The following EYS variants were observed in gnomAD, a reference collection of about 807,000 sequenced individuals.
The protein encoded by EYS is EGF-like photoreceptor maintenance factor.
In EYS, 250 loss-of-function variants were observed where a neutral mutation model predicts 282.1. The observed-to-expected ratio is 0.89, with a 90% CI of 0.80 to 0.98. The LOEUF is 0.98. Among genes scored for constraint, EYS ranks in the 50% least tolerant of loss-of-function variants. EYS has a pLI of 0.00. For synonymous variants in EYS, 1,355 were observed against 1,282.9 expected (o/e 1.06, Z -1.20); for missense variants, 4,016 against 3,709.0 (o/e 1.08, Z -2.15).
At chr6:64,049,043 C>A (rs1396645448) in intron 33 of EYS, among the ~76,000 whole-genome samples, 2 of 152,168 alleles carry the variant, frequency 1.3e-5, no homozygotes, top group Non-Finnish European at 2.9e-5. Context: ...ATGTTGATTT[C>A]TCTCTGAATT....
At chr6:65,217,042 G>A (rs1445440815) in intron 12 of EYS, among the ~76,000 whole-genome samples, 1 of 151,960 alleles carries the variant, frequency 6.6e-6, no homozygotes, top group Non-Finnish European at 1.5e-5. Context: ...CAGCAATACT[G>A]CTTAATACTT....
At chr6:64,111,862 G>A (rs892507591) in intron 31 of EYS, among the ~76,000 whole-genome samples, 2 of 151,958 alleles carry the variant, frequency 1.3e-5, no homozygotes, top group Non-Finnish European at 2.9e-5. Flanking sequence ...AATATATTAT[G>A]GAAGCATAAA....
At chr6:64,328,313 G>A (rs1770505748) in intron 29 of EYS, among the ~76,000 whole-genome samples, 1 of 152,174 alleles carries the variant, frequency 6.6e-6, no homozygotes, top group South Asian at 2.1e-4. Context: ...ATATCAGGCA[G>A]TATGCACAAC....
chr6:64,247,961 A>C (rs1305562305), intron 30 of EYS, among the ~76,000 whole-genome samples: 3 of 152,144 alleles, frequency 2.0e-5, no homozygotes, highest in East Asian at 1.9e-4. Context: ...GGTTAAGAAG[A>C]TATTTGACAT....
At chr6:64,543,772 C>T (rs1764760553) in intron 26 of EYS, among the ~76,000 whole-genome samples, 1 of 152,048 alleles carries the variant, frequency 6.6e-6, no homozygotes, top group Non-Finnish European at 1.5e-5. Flanking sequence ...AGTTTCCTAT[C>T]CTGTGATGTG....
intron 19 of EYS, among the ~76,000 whole-genome samples, chr6:64,823,076 T>C (rs1243245040): frequency 6.6e-6 from 1 of 151,976 alleles, no homozygotes; most frequent in African/African-American, 2.4e-5. Context: ...TTTAGTGTGA[T>C]GTTTGTTGAG....
intron 13 of EYS, 106 bp from the exon 14 acceptor site, chr6:64,997,809 C>T (rs987428183): frequency 3.2e-6 from 3 of 951,176 alleles, no homozygotes; most frequent in African/African-American, 3.3e-5. Flanking sequence ...TCACTTTTAA[C>T]CAAATAAAGT....
chr6:64,545,631 C>T (rs1394933583), intron 26 of EYS, among the ~76,000 whole-genome samples: 1 of 152,196 alleles, frequency 6.6e-6, no homozygotes, highest in Admixed American at 6.5e-5. Context: ...CCCATCGTCT[C>T]AGCCCAAAAT....
chr6:64,049,392 G>T (rs796217558), intron 33 of EYS, among the ~76,000 whole-genome samples: 1 of 152,178 alleles, frequency 6.6e-6, no homozygotes, highest in South Asian at 2.1e-4. Context: ...GTATGCTAAG[G>T]CATACTTTAG....
At chr6:65,000,619 A>T (rs1033113446) in intron 13 of EYS, among the ~76,000 whole-genome samples, 4 of 130,446 alleles carry the variant, frequency 3.1e-5, no homozygotes, top group Non-Finnish European at 5.3e-5. Flanking sequence ...TAAAAATATA[A>T]AAAAAAAAAT....
At chr6:64,088,176 C>T (rs1052090066) in intron 31 of EYS, among the ~76,000 whole-genome samples, 1 of 152,038 alleles carries the variant, frequency 6.6e-6, no homozygotes, top group Non-Finnish European at 1.5e-5. Context: ...GAAAACAAGA[C>T]TAATTGGGGT....
rs1030791733 is a variant in EYS, at chr6:64,532,481, G to T, written c.5644+57742C>A. 3.3e-5 allele frequency among the ~76,000 whole-genome samples: 5 copies of T among 152,156 alleles called. No homozygotes were observed. The East Asian group carries it at 9.7e-4, about 30-fold the overall frequency. ...TCCCAGCACTTTGGGAGGCGGAGGC[G>T]AGCGGATCACGAGGTCAGGAGATCG... On this transcript the variant is annotated intron_variant, in intron 26 of 42. Coordinates refer to ENST00000503581, the MANE Select transcript of EYS (RefSeq NM_001142800.2).
intron 12 of EYS, among the ~76,000 whole-genome samples, chr6:65,231,761 A>G (rs1292069644): frequency 6.6e-6 from 1 of 151,972 alleles, no homozygotes. Flanking sequence ...GGATATATTT[A>G]TAATTCCTTA....
chr6:65,514,835 C>A lies in EYS; in HGVS notation c.-332-18842G>T, dbSNP rs75450258. On this transcript the variant is annotated intron_variant, in intron 2 of 42. Transcript: ENST00000503581. Reference sequence around the variant, plus strand: ...AACAATAGACCTAAAACCATAAAAACCCTAGAAGAAAACCTAGGCATTACC... The same window carrying A: ...AACAATAGACCTAAAACCATAAAAAACCTAGAAGAAAACCTAGGCATTACC... Among the ~76,000 whole-genome samples, 1,266 of 152,246 alleles carry A rather than the reference C, an allele frequency of 8.3e-3. 16 individuals are homozygous for A. Among genetic ancestry groups the A allele is most frequent in the Non-Finnish European group, 0.01 (708 of 68,010 alleles).
intron 29 of EYS, among the ~76,000 whole-genome samples, chr6:64,330,757 G>T (rs189854263): frequency 1.8e-4 from 27 of 152,166 alleles, no homozygotes; most frequent in Admixed American, 4.6e-4. Flanking sequence ...GAGCAGAGGG[G>T]GTATCGCTTG....
At chr6:65,595,512 G>C (rs1376296286) in intron 2 of EYS, among the ~76,000 whole-genome samples, 2 of 151,528 alleles carry the variant, frequency 1.3e-5, no homozygotes, top group Non-Finnish European at 2.9e-5. Context: ...TTAAGCCAAT[G>C]ACCTCCACAA....
chr6:65,642,349 T>C (rs1189067731), intron 1 of EYS, among the ~76,000 whole-genome samples: 1 of 152,140 alleles, frequency 6.6e-6, no homozygotes, highest in East Asian at 1.9e-4. Flanking sequence ...GCATAATTAT[T>C]TGTAGGAATA....
At chr6:63,830,152 T>G (rs1771587868) in intron 36 of EYS, among the ~76,000 whole-genome samples, 1 of 152,038 alleles carries the variant, frequency 6.6e-6, no homozygotes, top group African/African-American at 2.4e-5. Context: ...AAAATCGGAG[T>G]GTCTCTTCTC....
At chr6:63,731,640 T>A (rs1238227411) in intron 41 of EYS, among the ~76,000 whole-genome samples, 1 of 152,214 alleles carries the variant, frequency 6.6e-6, no homozygotes, top group East Asian at 1.9e-4. Context: ...TATATTTTTT[T>A]ACCATAAATT....
Sources: allele counts gnomAD v4.1 joint callset (sites outside exome capture counted in the v4.1 genomes callset), GRCh38; gene constraint gnomAD v4.1.1; transcripts MANE v1.5; gene names NCBI Gene and HGNC (gene_info 2026-07-23, HGNC 2026-07-21).